CSMD3: variants seen among roughly 807,000 people sequenced by gnomAD.
CSMD3 encodes the protein CUB and sushi domain-containing protein 3.
Under a neutral mutation model 435.2 loss-of-function variants are expected in CSMD3, and 177 were observed. That is an observed-to-expected ratio of 0.41 (90% confidence interval 0.36 to 0.46). The LOEUF (loss-of-function observed/expected upper bound fraction) is 0.46. Among genes scored for constraint, CSMD3 ranks in the 20% least tolerant of loss-of-function variants. The pLI is 0.34. For synonymous variants in CSMD3, 1,656 were observed against 1,520.5 expected (o/e 1.09, Z -2.07); for missense variants, 4,265 against 4,504.6 (o/e 0.95, Z 1.52).
chr8:112,874,955 C>G (rs1231151007), intron 10 of CSMD3, among the ~76,000 whole-genome samples: 1 of 151,934 alleles, frequency 6.6e-6, no homozygotes, highest in African/African-American at 2.4e-5. Context: ...TTTGAACCTG[C>G]CATTATGATG....
At chr8:113,186,353 T>C (rs920882892) in intron 3 of CSMD3, among the ~76,000 whole-genome samples, 14 of 151,988 alleles carry the variant, frequency 9.2e-5, no homozygotes, top group African/African-American at 2.2e-4. Flanking sequence ...CCATCACTGA[T>C]GGAAAAACAA....
intron 4 of CSMD3, among the ~76,000 whole-genome samples, chr8:113,157,741 T>C (rs1564375545): frequency 6.6e-6 from 1 of 152,118 alleles, no homozygotes; most frequent in Non-Finnish European, 1.5e-5. Flanking sequence ...ATGAGATATG[T>C]ATTATAAGCA....
At chr8:113,239,213 C>A (rs1312583174) in intron 3 of CSMD3, among the ~76,000 whole-genome samples, 2 of 152,080 alleles carry the variant, frequency 1.3e-5, no homozygotes, top group African/African-American at 4.8e-5. Context: ...GGAAGTGCAC[C>A]ACCAGGTCTC....
At chr8:112,515,096 T>A (rs1055085517) in intron 28 of CSMD3, among the ~76,000 whole-genome samples, 3 of 152,126 alleles carry the variant, frequency 2.0e-5, no homozygotes, top group African/African-American at 7.2e-5. Context: ...TATTCTTGTC[T>A]AAAAATGGAA....
At chr8:113,311,108 T>A (rs546223903) in intron 2 of CSMD3, 1 of 152,120 alleles carries the variant, frequency 6.6e-6, no homozygotes. Context: ...TTTTACTTGT[T>A]GGTATAAGTT....
chr8:112,619,415 A>G (rs1833898168), intron 22 of CSMD3, among the ~76,000 whole-genome samples: 1 of 151,842 alleles, frequency 6.6e-6, no homozygotes, highest in Non-Finnish European at 1.5e-5. Flanking sequence ...GGTGCTTTCA[A>G]TATATCCTAT....
At chr8:113,339,101 T>C (rs577399512) in intron 1 of CSMD3, among the ~76,000 whole-genome samples, 25 of 152,060 alleles carry the variant, frequency 1.6e-4, no homozygotes, top group Non-Finnish European at 2.5e-4. Context: ...TCTTTATCCA[T>C]ATAACAGAAT....
In CSMD3 at chr8:112,685,518, G is replaced by A. The variant is rs769343413; in HGVS notation, c.2370C>T (p.Thr790=). Residue 790 remains threonine (T), a synonymous_variant, in exon 15 of 71, where the codon ACC becomes ACT. Transcript: ENST00000297405. ...GDSPESPILG[T]FTGAEVPSHL... ...GGGAAGGCACCTCAGCCCCAGTAAA[G>A]GTTCCAAGAATTGGGGATTCTGGAG... 2 of 1,613,984 alleles carry A rather than the reference G, an allele frequency of 1.2e-6. No individual in the cohort carries two copies. The highest frequency in any genetic ancestry group is 8.5e-7 in the Non-Finnish European group (1 of 1,179,902).
chr8:112,861,815 A>T (rs915064000), intron 10 of CSMD3, among the ~76,000 whole-genome samples: 21 of 151,732 alleles, frequency 1.4e-4, no homozygotes, highest in African/African-American at 4.1e-4. Flanking sequence ...GATTGAATAT[A>T]CTCCTTCTCT....
chr8:113,063,527 T>C (rs2131373491), intron 5 of CSMD3, among the ~76,000 whole-genome samples: 1 of 152,122 alleles, frequency 6.6e-6, no homozygotes, highest in East Asian at 1.9e-4. Flanking sequence ...ATGCTACTTA[T>C]ACACTTGATT....
At chr8:112,698,280 A>G (rs1327307363) in intron 13 of CSMD3, among the ~76,000 whole-genome samples, 1 of 152,192 alleles carries the variant, frequency 6.6e-6, no homozygotes, top group Non-Finnish European at 1.5e-5. Context: ...AAATGTTAAA[A>G]AATCGTGTGA....
At chr8:112,803,457 G>A (rs911249525) in intron 12 of CSMD3, among the ~76,000 whole-genome samples, 27 of 152,086 alleles carry the variant, frequency 1.8e-4, no homozygotes, top group African/African-American at 6.5e-4. Context: ...CACATACTGT[G>A]CCCCCAAAAG....
intron 6 of CSMD3, among the ~76,000 whole-genome samples, chr8:112,992,310 T>C (rs755455233): frequency 2.1e-4 from 32 of 151,606 alleles, no homozygotes; most frequent in Admixed American, 1.1e-3. Flanking sequence ...TTCTAGGAAT[T>C]CCTCTGGGTG....
intron 22 of CSMD3, among the ~76,000 whole-genome samples, chr8:112,633,221 C>A (rs563829418): frequency 6.6e-6 from 1 of 151,992 alleles, no homozygotes; most frequent in Non-Finnish European, 1.5e-5. Flanking sequence ...AAGAAGTTTT[C>A]CTCTAGTTAA....
chr8:112,835,006 C>T (rs2132503953), intron 11 of CSMD3, among the ~76,000 whole-genome samples: 1 of 151,894 alleles, frequency 6.6e-6, no homozygotes, highest in South Asian at 2.1e-4. Context: ...AAGTCACTCT[C>T]TTGATTTCCA....
chr8:112,349,011 T>C (rs1416050057), intron 40 of CSMD3, among the ~76,000 whole-genome samples: 1 of 152,046 alleles, frequency 6.6e-6, no homozygotes, highest in Non-Finnish European at 1.5e-5. Context: ...AATTTGATAA[T>C]ATTTATGAAA....
At chr8:113,037,797 A>G (rs2087425077) in intron 5 of CSMD3, among the ~76,000 whole-genome samples, 1 of 152,224 alleles carries the variant, frequency 6.6e-6, no homozygotes, top group South Asian at 2.1e-4. Flanking sequence ...AAAACAAAAA[A>G]AAACAAAACA....
intron 1 of CSMD3, among the ~76,000 whole-genome samples, chr8:113,403,315 G>A (rs1316707448): frequency 6.6e-6 from 1 of 151,222 alleles, no homozygotes; most frequent in Non-Finnish European, 1.5e-5. Context: ...CAGAACAAGG[G>A]TTTGTTTCAA....
chr8:112,926,176 C>T (rs1269361542), intron 9 of CSMD3, among the ~76,000 whole-genome samples: 1 of 152,102 alleles, frequency 6.6e-6, no homozygotes, highest in Admixed American at 6.5e-5. Context: ...ATGCACTGTG[C>T]TTTCACTGTA....
Sources: gnomAD v4.1 joint callset for allele counts (sites outside exome capture counted in the v4.1 genomes callset) on GRCh38, gnomAD v4.1.1 for gene constraint, MANE v1.5 for transcripts, NCBI Gene and HGNC (gene_info 2026-07-23, HGNC 2026-07-21) for gene names.